The following SGCD variants were observed in gnomAD, a reference collection of about 807,000 sequenced individuals.
SGCD encodes the protein sarcoglycan delta.
In SGCD, 18 loss-of-function variants were observed where a neutral mutation model predicts 36.6. That is an observed-to-expected ratio of 0.49 (90% CI 0.34 to 0.73). The LOEUF (loss-of-function observed/expected upper bound fraction) is 0.73. Ranked by LOEUF, SGCD falls within the 30% of genes least tolerant of loss-of-function variation. SGCD has a pLI of 0.01. For missense variants in SGCD, 387 were observed against 346.7 expected (o/e 1.12, Z -0.92); for synonymous variants, 133 against 130.6 (o/e 1.02, Z -0.12).
At position 156,308,423 on chromosome 5, in the gene SGCD, C is replaced by T. The variant is rs530471500; in HGVS notation, c.-43-21111C>T. 9.9e-5 allele frequency among the ~76,000 whole-genome samples: 15 copies of T among 152,122 alleles called. No homozygotes were observed. In the East Asian group the frequency reaches 2.1e-3, roughly 22 times the overall value. ...ACGCCATTCTGCTGCCTCAGCCTCC[C>T]GAGTAGCTGGGACTACAGGTGTCTG... On this transcript the variant is annotated intron_variant, in intron 3 of 9. Transcript: ENST00000517913.
chr5:155,871,714 G>A (rs1755660486), intron 1 of SGCD, among the ~76,000 whole-genome samples: 1 of 152,124 alleles, frequency 6.6e-6, no homozygotes, highest in African/African-American at 2.4e-5. Context: ...GCATTGGGTA[G>A]GTAAATAAGT....
At chr5:155,811,726 C>T in the SGCD span, among the ~76,000 whole-genome samples, 10 of 152,082 alleles carry the variant, frequency 6.6e-5, no homozygotes, top group East Asian at 3.9e-4. Context: ...AAGCTGGGTC[C>T]GGGGGGTCAC....
chr5:156,036,717 C>A (rs1432061803), intron 1 of SGCD, among the ~76,000 whole-genome samples: 1 of 152,124 alleles, frequency 6.6e-6, no homozygotes, highest in Non-Finnish European at 1.5e-5. Context: ...CCTGGAATTT[C>A]CCTTGGAGAG....
intron 3 of SGCD, among the ~76,000 whole-genome samples, chr5:156,490,474 G>A (rs1480602823): frequency 6.3e-5 from 7 of 111,106 alleles, no homozygotes; most frequent in Non-Finnish European, 1.3e-4. Flanking sequence ...CTAGTAAACC[G>A]AATGTAACAT....
At chr5:156,462,819 A>G (rs1329038159) in intron 3 of SGCD, among the ~76,000 whole-genome samples, 2 of 151,998 alleles carry the variant, frequency 1.3e-5, no homozygotes, top group African/African-American at 2.4e-5. Flanking sequence ...TTCAATGGCT[A>G]AAACTGCAAT....
intron 5 of SGCD, among the ~76,000 whole-genome samples, chr5:156,591,344 A>G (rs1760716082): frequency 6.6e-6 from 1 of 152,226 alleles, no homozygotes; most frequent in African/African-American, 2.4e-5. Flanking sequence ...GTCTTTTCAC[A>G]GGAAACAATA....
intron 3 of SGCD, among the ~76,000 whole-genome samples, chr5:156,262,460 T>C (rs916846422): frequency 6.6e-6 from 1 of 152,126 alleles, no homozygotes; most frequent in African/African-American, 2.4e-5. Flanking sequence ...CACTCTATGA[T>C]GTTCGCACAA....
At chr5:156,113,331 G>C (rs767099364) in intron 1 of SGCD, among the ~76,000 whole-genome samples, 12 of 151,910 alleles carry the variant, frequency 7.9e-5, no homozygotes, top group Non-Finnish European at 1.6e-4. Context: ...TTTTTCCTTT[G>C]CATTTATTTA....
intron 1 of SGCD, among the ~76,000 whole-genome samples, chr5:156,012,322 A>G (rs1451239115): frequency 2.6e-5 from 4 of 152,230 alleles, no homozygotes; most frequent in Non-Finnish European, 5.9e-5. Flanking sequence ...GTATTATTAC[A>G]GAGTAGCAAT....
At chr5:155,891,457 T>C (rs1463397223) in intron 1 of SGCD, among the ~76,000 whole-genome samples, 1 of 151,958 alleles carries the variant, frequency 6.6e-6, no homozygotes, top group Non-Finnish European at 1.5e-5. Flanking sequence ...GCAGTAATAG[T>C]ACTCATCTAA....
chr5:155,775,836 C>CA, the SGCD span, among the ~76,000 whole-genome samples: 1 of 152,120 alleles, frequency 6.6e-6, no homozygotes, highest in Non-Finnish European at 1.5e-5. Flanking sequence ...CTACAGGGAA[C>CA]ACAGCATTAC....
intron 3 of SGCD, among the ~76,000 whole-genome samples, chr5:156,235,932 G>A (rs1002200498): frequency 8.5e-5 from 13 of 152,170 alleles, no homozygotes; most frequent in East Asian, 1.9e-4. Flanking sequence ...TTACCTTCTC[G>A]CCAAATGATT....
chr5:155,996,586 C>T (rs757756535), intron 1 of SGCD, among the ~76,000 whole-genome samples: 4 of 151,846 alleles, frequency 2.6e-5, no homozygotes, highest in African/African-American at 4.8e-5. Context: ...AAGACCAGCC[C>T]GGGCAACTTG....
chr5:155,800,227 G>A, the SGCD span, among the ~76,000 whole-genome samples: 2 of 151,968 alleles, frequency 1.3e-5, no homozygotes. Context: ...CCATTCCCTG[G>A]GAGGCTTTGT....
chr5:156,689,363 A>G (rs1471159108), intron 7 of SGCD, among the ~76,000 whole-genome samples: 7 of 152,214 alleles, frequency 4.6e-5, no homozygotes, highest in African/African-American at 1.7e-4. Flanking sequence ...TGCAAGGCAC[A>G]TGGAATTCCC....
chr5:156,464,185 T>C (rs1754620520), intron 3 of SGCD, among the ~76,000 whole-genome samples: 2 of 150,904 alleles, frequency 1.3e-5, no homozygotes, highest in South Asian at 4.2e-4. Flanking sequence ...ACACCACTAG[T>C]AAGTGGAAGA....
intron 3 of SGCD, among the ~76,000 whole-genome samples, chr5:156,129,591 T>C (rs1397497651): frequency 6.6e-6 from 1 of 152,172 alleles, no homozygotes; most frequent in East Asian, 1.9e-4. Context: ...CACCCAGGTA[T>C]TAAGCCTAGT....
intron 7 of SGCD, among the ~76,000 whole-genome samples, chr5:156,731,329 T>C (rs1756051120): frequency 6.6e-6 from 1 of 152,174 alleles, no homozygotes; most frequent in Admixed American, 6.5e-5. Flanking sequence ...ATGTCCTGAA[T>C]AGCATGTCCT....
intron 1 of SGCD, among the ~76,000 whole-genome samples, chr5:155,905,894 C>G (rs987497061): frequency 2.6e-5 from 4 of 152,076 alleles, no homozygotes; most frequent in African/African-American, 9.7e-5. Flanking sequence ...CAATGAAACC[C>G]TTTTTCTTCT....
Sources: gnomAD v4.1 joint callset for allele counts (sites outside exome capture counted in the v4.1 genomes callset) on GRCh38, gnomAD v4.1.1 for gene constraint, MANE v1.5 for transcripts, NCBI Gene and HGNC (gene_info 2026-07-23, HGNC 2026-07-21) for gene names.